Variants in PTPRD observed in about 807,000 individuals in gnomAD.
The protein encoded by PTPRD is receptor-type tyrosine-protein phosphatase delta.
A neutral mutation model predicts 214.5 loss-of-function variants in PTPRD; 34 were observed. The observed-to-expected ratio is 0.16, with a 90% confidence interval of 0.12 to 0.21. The LOEUF (loss-of-function observed/expected upper bound fraction) is 0.21. Ranked by LOEUF, PTPRD falls within the 10% of genes least tolerant of loss-of-function variation. The pLI is 1.00. For missense variants in PTPRD, 2,545 were observed against 2,398.7 expected (o/e 1.06, Z -1.27); for synonymous variants, 1,128 against 845.7 (o/e 1.33, Z -5.79).
chr9:10,252,684 A>G (rs976779470), intron 3 of PTPRD, among the ~76,000 whole-genome samples: 1 of 152,208 alleles, frequency 6.6e-6, no homozygotes, highest in African/African-American at 2.4e-5. Flanking sequence ...CATAATCACC[A>G]AGATTTCTTT....
chr9:9,758,994 A>C (rs1210902748), intron 6 of PTPRD, among the ~76,000 whole-genome samples: 1 of 152,222 alleles, frequency 6.6e-6, no homozygotes. Context: ...ATGCTGTCAG[A>C]GAATGGAAGG....
chr9:10,467,726 G>C (rs2099004160), intron 2 of PTPRD, among the ~76,000 whole-genome samples: 1 of 152,158 alleles, frequency 6.6e-6, no homozygotes, highest in Non-Finnish European at 1.5e-5. Context: ...GGAGTAGAGA[G>C]AGAAGAGGGA....
chr9:9,528,911 T>C (rs1180861278), intron 8 of PTPRD, among the ~76,000 whole-genome samples: 1 of 151,536 alleles, frequency 6.6e-6, no homozygotes, highest in Non-Finnish European at 1.5e-5. Flanking sequence ...TGTCCTTGAA[T>C]TTACCAGTTT....
intron 9 of PTPRD, among the ~76,000 whole-genome samples, chr9:9,306,282 G>A (rs769998583): frequency 6.6e-6 from 1 of 151,912 alleles, no homozygotes; most frequent in Non-Finnish European, 1.5e-5. Flanking sequence ...ATGTTTTCTC[G>A]GCTGGGCGCA....
chr9:9,526,433 G>C (rs1590755522), intron 8 of PTPRD, among the ~76,000 whole-genome samples: 1 of 152,150 alleles, frequency 6.6e-6, no homozygotes. Context: ...ATGGCATTAT[G>C]TAATTTTAAA....
chr9:8,976,634 C>T (rs544436505), intron 11 of PTPRD, among the ~76,000 whole-genome samples: 1 of 152,092 alleles, frequency 6.6e-6, no homozygotes, highest in African/African-American at 2.4e-5. Context: ...CAATTTTGGC[C>T]TTGTGTTCTT....
intron 10 of PTPRD, among the ~76,000 whole-genome samples, chr9:9,165,779 T>C (rs897174122): frequency 7.9e-5 from 12 of 152,312 alleles, no homozygotes; most frequent in African/African-American, 1.9e-4. Context: ...TTAAAGGATG[T>C]CTTCTTGATC....
At chr9:9,828,964 A>T (rs1294619867) in intron 5 of PTPRD, among the ~76,000 whole-genome samples, 2 of 152,096 alleles carry the variant, frequency 1.3e-5, no homozygotes, top group South Asian at 4.1e-4. Context: ...GTAAGGAAAC[A>T]TTATCTTGCA....
intron 3 of PTPRD, among the ~76,000 whole-genome samples, chr9:10,058,803 T>C (rs967206033): frequency 1.3e-5 from 2 of 152,030 alleles, no homozygotes; most frequent in East Asian, 3.9e-4. Context: ...GGCACCATTG[T>C]TTTTTTCCAA....
intron 21 of PTPRD, among the ~76,000 whole-genome samples, chr9:8,508,304 T>C (rs1294467821): frequency 6.6e-6 from 1 of 152,212 alleles, no homozygotes; most frequent in Non-Finnish European, 1.5e-5. Flanking sequence ...TCAAATGAAC[T>C]AGAATAATTA....
chr9:9,934,381 T>C (rs1397211355), intron 5 of PTPRD, among the ~76,000 whole-genome samples: 1 of 147,052 alleles, frequency 6.8e-6, no homozygotes, highest in Non-Finnish European at 1.5e-5. Flanking sequence ...CAATAAAAAA[T>C]GATAAAGGGG....
chr9:9,076,646 G>T (rs2099751662), intron 10 of PTPRD, among the ~76,000 whole-genome samples: 1 of 151,952 alleles, frequency 6.6e-6, no homozygotes, highest in South Asian at 2.1e-4. Context: ...CTTTTTCATA[G>T]CTGAATAGTA....
At chr9:9,832,407 T>C (rs1370657254) in intron 5 of PTPRD, among the ~76,000 whole-genome samples, 2 of 152,136 alleles carry the variant, frequency 1.3e-5, no homozygotes, top group Non-Finnish European at 2.9e-5. Flanking sequence ...TAAAGTTCTA[T>C]ATAGCAGATA....
chr9:9,602,517 A>G (rs2093848453), intron 7 of PTPRD, among the ~76,000 whole-genome samples: 1 of 152,138 alleles, frequency 6.6e-6, no homozygotes, highest in Non-Finnish European at 1.5e-5. Flanking sequence ...ATCTAAAAGA[A>G]TAAGAGTAAT....
chr9:9,024,509 T>C (rs1225082559), intron 10 of PTPRD, among the ~76,000 whole-genome samples: 1 of 151,684 alleles, frequency 6.6e-6, no homozygotes, highest in Non-Finnish European at 1.5e-5. Flanking sequence ...CAAATTATAC[T>C]CCAAAAAGGT....
intron 3 of PTPRD, among the ~76,000 whole-genome samples, chr9:10,311,401 A>C (rs976204290): frequency 6.6e-6 from 1 of 152,074 alleles, no homozygotes; most frequent in African/African-American, 2.4e-5. Flanking sequence ...AATCTAAGAC[A>C]TAAGTATTAG....
At chr9:8,423,081 C>A (rs1208049759) in intron 35 of PTPRD, among the ~76,000 whole-genome samples, 1 of 152,078 alleles carries the variant, frequency 6.6e-6, no homozygotes, top group Non-Finnish European at 1.5e-5. Context: ...AAAAGGGAAA[C>A]CTGACATCAG....
In PTPRD at chr9:9,739,077, C is replaced by T. The variant is rs183067519; in HGVS notation, c.-325-4506G>A. ...CATTCCTTTCAATTTACTATCCACA[C>T]TTACACAATAATAGTTTTATCTAGT... On this transcript the variant is annotated intron_variant, in intron 6 of 45. Transcript: ENST00000381196. Among the ~76,000 whole-genome samples the T allele has an allele frequency of 4.6e-3, 706 of 152,272 alleles. 4 individuals are homozygous for T. Among genetic ancestry groups the T allele is most frequent in the Non-Finnish European group, 8.2e-3 (561 of 68,030 alleles).
At chr9:9,057,555 T>TAAATGTTAAATTAAA (rs2099698669) in intron 10 of PTPRD, among the ~76,000 whole-genome samples, 2 of 152,210 alleles carry the variant, frequency 1.3e-5, no homozygotes, top group Non-Finnish European at 2.9e-5. Context: ...TAAGGATTTT[T>TAAATGTTAAATTAAA]TGTTAAATGA....
Sources: allele counts gnomAD v4.1 joint callset (sites outside exome capture counted in the v4.1 genomes callset), GRCh38; gene constraint gnomAD v4.1.1; transcripts MANE v1.5; gene names NCBI Gene and HGNC (gene_info 2026-07-23, HGNC 2026-07-21).